DENND1A: variants seen among roughly 807,000 people sequenced by gnomAD.
DENND1A encodes the protein DENN domain-containing protein 1A.
Under a neutral mutation model 113.7 loss-of-function variants are expected in DENND1A, and 51 were observed. The observed-to-expected ratio is 0.45, with a 90% confidence interval of 0.36 to 0.57. DENND1A has a LOEUF of 0.57. Among genes scored for constraint, DENND1A ranks in the 20% least tolerant of loss-of-function variants. DENND1A has a pLI of 0.00. For synonymous variants in DENND1A, 565 were observed against 570.8 expected, an observed-to-expected ratio of 0.99 and a Z score of 0.14; for missense variants, 1,258 against 1,395.9, an observed-to-expected ratio of 0.90 and a Z score of 1.57.
At chr9:123,535,756 T>TAA (rs2055711120) in intron 13 of DENND1A, among the ~76,000 whole-genome samples, 1 of 152,220 alleles carries the variant, frequency 6.6e-6, no homozygotes, top group Admixed American at 6.5e-5. Context: ...TCCCCTGGCT[T>TAA]TGCTACCCCT....
chr9:123,381,359 C>A lies in DENND1A; in HGVS notation c.*73G>T. ...CAGAACCTGGGCAGAGAGAGAGTGG[C>A]GGGGGAGCCTCGGAACCGCAGCAGT... is the stretch of plus-strand genomic sequence containing the variant. On this transcript the variant is annotated 3_prime_UTR_variant, in exon 24 of 24. Coordinates refer to ENST00000394215, the MANE Select transcript of DENND1A (RefSeq NM_001352964.2). This position sits in a 1 kb window ranked among gnomAD's most constrained non-coding sequence, Gnocchi z 4.7. The A allele has an allele frequency of 7.2e-7, 1 of 1,383,876 alleles. No individual in the cohort carries two copies. The highest frequency in any genetic ancestry group is 9.8e-7 in the Non-Finnish European group (1 of 1,021,102). 85.7% of individuals were successfully genotyped at this position (1,383,876 alleles called of 1,614,324 possible).
chr9:123,590,263 C>T (rs2059394538), intron 11 of DENND1A, among the ~76,000 whole-genome samples: 1 of 152,184 alleles, frequency 6.6e-6, no homozygotes, highest in African/African-American at 2.4e-5. Context: ...GATTCCTTCC[C>T]TAGTCTACAG....
intron 11 of DENND1A, among the ~76,000 whole-genome samples, chr9:123,601,955 C>T (rs1487559264): frequency 2.0e-5 from 3 of 152,148 alleles, no homozygotes; most frequent in Non-Finnish European, 4.4e-5. Context: ...AAGGAAGAGC[C>T]CAGGACAGGT....
intron 5 of DENND1A, among the ~76,000 whole-genome samples, chr9:123,687,418 C>T (rs1461258487): frequency 6.6e-6 from 1 of 152,206 alleles, no homozygotes; most frequent in Non-Finnish European, 1.5e-5. Flanking sequence ...TCTTGATTAA[C>T]TCTTGTTTCC....
At chr9:123,542,583 C>T (rs1320777469) in intron 13 of DENND1A, among the ~76,000 whole-genome samples, 1 of 152,154 alleles carries the variant, frequency 6.6e-6, no homozygotes, top group Non-Finnish European at 1.5e-5. Context: ...ACTGAGTTCC[C>T]TGGGCTCCCA....
intron 3 of DENND1A, among the ~76,000 whole-genome samples, chr9:123,792,248 C>A (rs1412361363): frequency 1.3e-5 from 2 of 152,058 alleles, no homozygotes; most frequent in Non-Finnish European, 2.9e-5. Flanking sequence ...TTCTTGACTC[C>A]TGAAATAGCA....
chr9:123,776,891 A>G (rs754758069), intron 3 of DENND1A, among the ~76,000 whole-genome samples: 1 of 152,246 alleles, frequency 6.6e-6, no homozygotes, highest in Non-Finnish European at 1.5e-5. Flanking sequence ...GGCACGCTAC[A>G]TAAATATTCA....
chr9:123,806,643 G>C (rs1342731832), intron 2 of DENND1A, among the ~76,000 whole-genome samples: 1 of 152,158 alleles, frequency 6.6e-6, no homozygotes, highest in Admixed American at 6.5e-5. Context: ...TTGGATTTTG[G>C]AGCATTTTGG....
rs558098231 is a variant in DENND1A at position 123,820,896 on chromosome 9, G to A, written c.89-28266C>T. ...ATGTCAGTTCCCTTGTCATAATTAAGACTAGCCTGCACTTTCTTTTCTGTC... is the reference window on the plus strand; with the variant it reads ...ATGTCAGTTCCCTTGTCATAATTAAAACTAGCCTGCACTTTCTTTTCTGTC... On this transcript the variant is annotated intron_variant, in intron 2 of 23. Coordinates refer to ENST00000394215, the MANE Select transcript of DENND1A (RefSeq NM_001352964.2). 3.3e-5 allele frequency among the ~76,000 whole-genome samples: 5 copies of A among 152,264 alleles called. No homozygotes were observed. In the East Asian group the frequency reaches 5.8e-4, roughly 18 times the overall value.
rs187072956 is a variant in DENND1A at position 123,500,636 on chromosome 9, C to A, written c.994-42739G>T. 5.0e-3 allele frequency among the ~76,000 whole-genome samples: 754 copies of A among 152,322 alleles called. 5 individuals carry two copies. Among genetic ancestry groups the A allele is most frequent in the Middle Eastern group, 0.014 (4 of 294 alleles). ...CTTCTATTTGCACTTAACACCTGCA[C>A]TGAGAGTTCTCCGCACGCCTCTCCC... On this transcript the variant is annotated intron_variant, in intron 13 of 23. Transcript: ENST00000394215.
chr9:123,790,490 T>C (rs955875550), intron 3 of DENND1A, among the ~76,000 whole-genome samples: 12 of 152,122 alleles, frequency 7.9e-5, no homozygotes, highest in African/African-American at 2.9e-4. Context: ...CTCTGGTCCA[T>C]GAGGACCATT....
intron 2 of DENND1A, among the ~76,000 whole-genome samples, chr9:123,801,853 A>T (rs995056849): frequency 6.6e-6 from 1 of 152,138 alleles, no homozygotes; most frequent in Non-Finnish European, 1.5e-5. Flanking sequence ...TTTCCCACAA[A>T]ACTTGACATG....
intron 18 of DENND1A, among the ~76,000 whole-genome samples, chr9:123,443,086 G>A (rs2047049262): frequency 6.6e-6 from 1 of 152,136 alleles, no homozygotes; most frequent in South Asian, 2.1e-4. Flanking sequence ...GGATTATCCT[G>A]CTTTTATAGG....
chr9:123,574,603 C>A (rs77586129), intron 12 of DENND1A, among the ~76,000 whole-genome samples: 3,191 of 152,218 alleles, frequency 0.021, 46 homozygotes, highest in Non-Finnish European at 0.033. Flanking sequence ...ATTCTCCTTA[C>A]CCAGTTTCAG....
At chr9:123,731,961 G>A (rs1341910460) in intron 5 of DENND1A, among the ~76,000 whole-genome samples, 2 of 152,122 alleles carry the variant, frequency 1.3e-5, no homozygotes, top group Admixed American at 6.6e-5. Flanking sequence ...AAATAAGCAC[G>A]ATATGCCCCA....
At chr9:123,838,036 C>T (rs757321315) in intron 2 of DENND1A, among the ~76,000 whole-genome samples, 4 of 152,206 alleles carry the variant, frequency 2.6e-5, no homozygotes, top group Admixed American at 1.3e-4. Flanking sequence ...CCAGAATTTA[C>T]GCTTTTAACC....
intron 6 of DENND1A, among the ~76,000 whole-genome samples, chr9:123,674,278 C>T (rs186763723): frequency 5.3e-5 from 8 of 151,776 alleles, no homozygotes; most frequent in Admixed American, 5.2e-4. Context: ...GTTACTCACA[C>T]CTTGGTCTCC....
intron 13 of DENND1A, among the ~76,000 whole-genome samples, chr9:123,513,207 C>G (rs1309430478): frequency 6.6e-6 from 1 of 152,194 alleles, no homozygotes; most frequent in East Asian, 1.9e-4. Context: ...CAGCCCGGTC[C>G]TCCTTGTTCA....
At chr9:123,547,634 GAATA>G (rs1007498192) in intron 13 of DENND1A, among the ~76,000 whole-genome samples, 2 of 151,914 alleles carry the variant, frequency 1.3e-5, no homozygotes, top group Admixed American at 6.6e-5. Flanking sequence ...GCAATAAAAT[GAATA>G]AATAAATAAA....
Sources: allele counts gnomAD v4.1 joint callset (sites outside exome capture counted in the v4.1 genomes callset), GRCh38; gene constraint gnomAD v4.1.1; non-coding constraint Gnocchi (gnomAD v3.1); transcripts MANE v1.5; gene names NCBI Gene and HGNC (gene_info 2026-07-23, HGNC 2026-07-21).